SNTG1: variants seen among roughly 807,000 people sequenced by gnomAD.
SNTG1 encodes the protein gamma-1-syntrophin.
SNTG1 carries 39 observed loss-of-function variants against 74.7 expected under a neutral mutation model. That is an observed-to-expected ratio of 0.52 (90% CI 0.40 to 0.68). The LOEUF (loss-of-function observed/expected upper bound fraction) is 0.68. Among genes scored for constraint, SNTG1 ranks in the 30% least tolerant of loss-of-function variants. The pLI is 0.00. For synonymous variants in SNTG1, 254 were observed against 217.1 expected, an observed-to-expected ratio of 1.17 and a Z score of -1.49; for missense variants, 685 against 609.5, an observed-to-expected ratio of 1.12 and a Z score of -1.30.
At chr8:49,933,219 C>T (rs1807753145) in intron 1 of SNTG1, among the ~76,000 whole-genome samples, 1 of 152,164 alleles carries the variant, frequency 6.6e-6, no homozygotes, top group Admixed American at 6.5e-5. Flanking sequence ...TACATTCCCA[C>T]CAACAATTCA....
At chr8:49,987,831 G>T (rs1310559358) in intron 1 of SNTG1, among the ~76,000 whole-genome samples, 1 of 151,736 alleles carries the variant, frequency 6.6e-6, no homozygotes, top group Non-Finnish European at 1.5e-5. Flanking sequence ...TGTAATTTCG[G>T]TAGAGCCGGG....
chr8:50,481,528 A>T (rs1174049704), intron 8 of SNTG1, among the ~76,000 whole-genome samples: 1 of 152,210 alleles, frequency 6.6e-6, no homozygotes, highest in Admixed American at 6.5e-5. Context: ...TGAAGATTTT[A>T]TGTTTAGTGA....
At chr8:50,755,212 T>G (rs572002252) in intron 18 of SNTG1, among the ~76,000 whole-genome samples, 9 of 151,974 alleles carry the variant, frequency 5.9e-5, no homozygotes, top group African/African-American at 2.2e-4. Context: ...CATTATAGTA[T>G]CATAGTCGTT....
At chr8:50,004,717 G>C (rs1410861326) in intron 1 of SNTG1, among the ~76,000 whole-genome samples, 2 of 152,180 alleles carry the variant, frequency 1.3e-5, no homozygotes, top group Admixed American at 1.3e-4. Context: ...GGAGCCTTTA[G>C]AGAAAGAAGT....
At chr8:50,089,674 C>T (rs1451203144) in intron 1 of SNTG1, among the ~76,000 whole-genome samples, 1 of 152,200 alleles carries the variant, frequency 6.6e-6, no homozygotes, top group Non-Finnish European at 1.5e-5. Context: ...CATCACTGGC[C>T]ATCAGAGAAA....
intron 18 of SNTG1, among the ~76,000 whole-genome samples, chr8:50,769,320 C>A (rs897185100): frequency 2.0e-5 from 3 of 151,988 alleles, no homozygotes; most frequent in African/African-American, 7.2e-5. Flanking sequence ...CAAAAGTAAT[C>A]ATCTACGAAG....
chr8:50,130,922 G>A (rs1208123617), intron 1 of SNTG1, among the ~76,000 whole-genome samples: 1 of 152,022 alleles, frequency 6.6e-6, no homozygotes, highest in Non-Finnish European at 1.5e-5. Context: ...GTTCTGTTTA[G>A]AAAGATTACA....
chr8:50,191,339 GAA>G (rs1363407491), intron 2 of SNTG1, among the ~76,000 whole-genome samples: 1 of 152,052 alleles, frequency 6.6e-6, no homozygotes, highest in Non-Finnish European at 1.5e-5. Flanking sequence ...GGCAAAAGGA[GAA>G]AAATGCTTGG....
intron 1 of SNTG1, among the ~76,000 whole-genome samples, chr8:50,128,256 G>A (rs1275765429): frequency 6.6e-6 from 1 of 152,070 alleles, no homozygotes; most frequent in Non-Finnish European, 1.5e-5. Context: ...TGAAAATAGA[G>A]ACATAGTCCA....
intron 4 of SNTG1, among the ~76,000 whole-genome samples, chr8:50,405,853 C>A (rs1466866764): frequency 2.0e-5 from 3 of 152,080 alleles, no homozygotes; most frequent in Non-Finnish European, 4.4e-5. Flanking sequence ...CATTCTTTAG[C>A]ATTTGGATAT....
chr8:50,647,703 C>CA (rs1419920562), intron 13 of SNTG1, among the ~76,000 whole-genome samples: 5 of 152,214 alleles, frequency 3.3e-5, no homozygotes, highest in African/African-American at 9.6e-5. Context: ...ACAAGCTTCA[C>CA]ATATGGGGCA....
In SNTG1 at chr8:50,435,253, T is replaced by TTA. The variant is rs534634545; in HGVS notation, c.163-3280_163-3279dup. On this transcript the variant is annotated intron_variant, in intron 4 of 18. Coordinates refer to ENST00000642720, the MANE Select transcript of SNTG1 (RefSeq NM_018967.5). ...CGAAAAAGAAGATTAAATAAAGGCA[T>TTA]TATATATATATGAAACTGTATAGGA... 7.9e-5 allele frequency among the ~76,000 whole-genome samples: 12 copies of TTA among 152,156 alleles called. No homozygotes were observed. In the South Asian group the frequency reaches 1.5e-3, roughly 18 times the overall value.
intron 2 of SNTG1, among the ~76,000 whole-genome samples, chr8:50,331,159 G>A (rs2090950586): frequency 6.6e-6 from 1 of 152,106 alleles, no homozygotes; most frequent in Admixed American, 6.5e-5. Flanking sequence ...TAACTGTCAG[G>A]GAAATCATCG....
At chr8:50,694,416 A>C (rs1252106243) in intron 15 of SNTG1, among the ~76,000 whole-genome samples, 1 of 152,286 alleles carries the variant, frequency 6.6e-6, no homozygotes. Flanking sequence ...AGAGAACAAT[A>C]ATGAGTGAGG....
At chr8:50,745,245 A>G (rs898889267) in intron 17 of SNTG1, among the ~76,000 whole-genome samples, 1 of 152,034 alleles carries the variant, frequency 6.6e-6, no homozygotes, top group Non-Finnish European at 1.5e-5. Flanking sequence ...ACATGAGTAG[A>G]TATTGCAACA....
At chr8:50,290,608 T>C (rs1333568684) in intron 2 of SNTG1, among the ~76,000 whole-genome samples, 1 of 152,222 alleles carries the variant, frequency 6.6e-6, no homozygotes, top group African/African-American at 2.4e-5. Context: ...TAGTCATTAG[T>C]ATAGCACATA....
chr8:50,609,346 A>T (rs893950945), intron 13 of SNTG1, among the ~76,000 whole-genome samples: 1 of 152,070 alleles, frequency 6.6e-6, no homozygotes, highest in East Asian at 1.9e-4. Context: ...TGTTTGTATC[A>T]TTCAACACTT....
chr8:49,938,643 C>CTTTCTTTCTTTCTTTCTTT (rs1563371305), intron 1 of SNTG1, among the ~76,000 whole-genome samples: 3 of 106,314 alleles, frequency 2.8e-5, no homozygotes, highest in Admixed American at 1.0e-4. Context: ...TTCTTTCTTT[C>CTTTCTTTCTTTCTTTCTTT]CTTCCTCTCT....
At chr8:50,678,815 T>A (rs537437223) in intron 15 of SNTG1, among the ~76,000 whole-genome samples, 2 of 152,030 alleles carry the variant, frequency 1.3e-5, no homozygotes, top group Admixed American at 6.6e-5. Flanking sequence ...ATTGAGAAAA[T>A]TTTTTATAGT....
Sources: allele counts gnomAD v4.1 joint callset (sites outside exome capture counted in the v4.1 genomes callset), GRCh38; gene constraint gnomAD v4.1.1; transcripts MANE v1.5; gene names NCBI Gene and HGNC (gene_info 2026-07-23, HGNC 2026-07-21).